Variants in PRRC2C observed in about 807,000 individuals in gnomAD.
PRRC2C encodes the protein protein PRRC2C.
A neutral mutation model predicts 317.2 loss-of-function variants in PRRC2C; 72 were observed. The observed-to-expected ratio is 0.23, with a 90% CI of 0.19 to 0.28. The LOEUF is 0.28. Ranked by LOEUF, PRRC2C falls within the 10% of genes least tolerant of loss-of-function variation. The pLI is 1.00. For missense variants in PRRC2C, 3,074 were observed against 3,459.7 expected, an observed-to-expected ratio of 0.89 and a Z score of 2.80; for synonymous variants, 1,296 against 1,205.9, an observed-to-expected ratio of 1.07 and a Z score of -1.55.
At position 171,537,367 on chromosome 1, in the gene PRRC2C, A is replaced by G. The variant is rs149871621; in HGVS notation, c.2398A>G (p.Ile800Val). ...AGCTCGATCTGCAAGAGATCACGCAATTTCCCTTTCTGAGCCTCGTATGCT... is the reference window on the plus strand; with the variant it reads ...AGCTCGATCTGCAAGAGATCACGCAGTTTCCCTTTCTGAGCCTCGTATGCT... ...HIARSARDHA[I>V]SLSEPRMLWG... The change falls in exon 15 of 35, where the codon ATT (isoleucine) becomes GTT (valine). Residue 800 changes from isoleucine to valine, a missense_variant. Ile to Val is a conservative substitution (Grantham distance 29, BLOSUM62 3). Coordinates refer to ENST00000647382, the MANE Select transcript of PRRC2C (RefSeq NM_001387844.1). 182 of 1,592,168 alleles carry G rather than the reference A, an allele frequency of 1.1e-4. No homozygotes were observed. Among genetic ancestry groups the G allele is most frequent in the Middle Eastern group, 5.0e-4 (3 of 6,042 alleles).
At chr1:171,575,246 C>A in intron 25 of PRRC2C, 118 bp downstream of exon 25, 1 of 1,029,456 alleles carries the variant, frequency 9.7e-7, no homozygotes, top group Non-Finnish European at 1.4e-6. Flanking sequence ...CTTCCCACCT[C>A]AGCCTCCCAA....
At chr1:171,553,289 CG>C (rs1680672455) in intron 18 of PRRC2C, among the ~76,000 whole-genome samples, 1 of 152,006 alleles carries the variant, frequency 6.6e-6, no homozygotes, top group Non-Finnish European at 1.5e-5. Flanking sequence ...TTTGTATTTC[CG>C]TGGGATTGGT....
intron 19 of PRRC2C, among the ~76,000 whole-genome samples, chr1:171,559,527 T>TG (rs1682209564): frequency 7.1e-6 from 1 of 140,396 alleles, no homozygotes; most frequent in Admixed American, 7.2e-5. Flanking sequence ...TTTTTTTTTT[T>TG]TTTTTTTTTT....
chr1:171,588,486 C>G lies in PRRC2C; in HGVS notation c.8180C>G (p.Pro2727Arg). ...ACTGTGAGAATGACACAACCATTTCCTACACAGTTTGCACCCCAGGTGGGC... is the reference window on the plus strand; with the variant it reads ...ACTGTGAGAATGACACAACCATTTCGTACACAGTTTGCACCCCAGGTGGGC... ...PATVRMTQPF[P>R]TQFAPQILSQ... The change falls in exon 33 of 35, where the codon CCT (proline) becomes CGT (arginine). Residue 2727 changes from proline to arginine, a missense_variant. Around this residue, in one of 11 missense-constraint regions of PRRC2C, gnomAD observed 490 missense variants for 663.1 expected, o/e 0.74. Coordinates refer to ENST00000647382, the MANE Select transcript of PRRC2C (RefSeq NM_001387844.1). 1 of 1,613,790 alleles carries G rather than the reference C, an allele frequency of 6.2e-7. No individual in the cohort carries two copies. The highest frequency in any genetic ancestry group is 8.5e-7 in the Non-Finnish European group (1 of 1,179,774).
chr1:171,505,600 G>A (rs1254744523), intron 1 of PRRC2C, among the ~76,000 whole-genome samples: 2 of 152,136 alleles, frequency 1.3e-5, no homozygotes, highest in African/African-American at 2.4e-5. Flanking sequence ...TTAGTATAGT[G>A]TTGAACAGAA....
chr1:171,569,575 A>ATATATATATATATATATATATATATATAT (rs1684330118), intron 23 of PRRC2C, among the ~76,000 whole-genome samples: 2 of 60,150 alleles, frequency 3.3e-5, no homozygotes, highest in African/African-American at 1.1e-4. Context: ...AAGTGGTTTA[A>ATATATATATATATATATATATATATATAT]ATATATATAT....
intron 7 of PRRC2C, 42 bp from the exon 8 acceptor site, chr1:171,523,179 T>G: frequency 6.5e-7 from 1 of 1,541,984 alleles, no homozygotes; most frequent in East Asian, 2.3e-5. Context: ...CAGTTTAGTA[T>G]CATAAACTTT....
intron 14 of PRRC2C, 98 bp downstream of exon 14, chr1:171,536,376 T>TA (rs1676828160): frequency 7.6e-7 from 1 of 1,320,488 alleles, no homozygotes; most frequent in Non-Finnish European, 1.0e-6. Context: ...AGGAAAAACT[T>TA]AAACCTCCGA....
chr1:171,572,409 G>GA (rs1200894930), intron 24 of PRRC2C, among the ~76,000 whole-genome samples: 4 of 152,168 alleles, frequency 2.6e-5, no homozygotes, highest in African/African-American at 9.6e-5. Flanking sequence ...CAATCTCTTT[G>GA]ATGATCTTCA....
At chr1:171,527,403 G>C (rs542581920) in intron 10 of PRRC2C, among the ~76,000 whole-genome samples, 4 of 152,152 alleles carry the variant, frequency 2.6e-5, no homozygotes, top group African/African-American at 9.6e-5. Flanking sequence ...AAAGTGCTGG[G>C]ATTACACGTG....
intron 23 of PRRC2C, among the ~76,000 whole-genome samples, chr1:171,569,595 G>T (rs1340254591): frequency 0.012 from 305 of 25,200 alleles, no homozygotes; most frequent in Non-Finnish European, 0.021. Context: ...TATATATATG[G>T]TTTTTTTTTT....
intron 7 of PRRC2C, among the ~76,000 whole-genome samples, chr1:171,522,877 T>C (rs1403407750): frequency 3.3e-5 from 5 of 151,614 alleles, no homozygotes; most frequent in Non-Finnish European, 7.4e-5. Context: ...CTTTTTTTTT[T>C]TTTGCTTATT....
chr1:171,544,692 T>C (rs1017769280), intron 16 of PRRC2C, among the ~76,000 whole-genome samples: 2 of 152,216 alleles, frequency 1.3e-5, no homozygotes, highest in African/African-American at 4.8e-5. Flanking sequence ...CATAGATAGA[T>C]AACAACAACT....
intron 20 of PRRC2C, among the ~76,000 whole-genome samples, chr1:171,565,357 T>A (rs1683451824): frequency 6.6e-6 from 1 of 152,228 alleles, no homozygotes. Context: ...TTTCAGTTCT[T>A]TATTTGCTTC....
At chr1:171,492,738 T>TTTTATTTATTTAATTTA (rs1553200492) in intron 1 of PRRC2C, among the ~76,000 whole-genome samples, 8 of 144,274 alleles carry the variant, frequency 5.5e-5, no homozygotes, top group African/African-American at 2.1e-4. Context: ...ATTTTTTTAA[T>TTTTATTTATTTAATTTA]TTTATTTATT....
Position 171,541,614 on chromosome 1 carries a change from A to C in PRRC2C, c.4148A>C (p.Glu1383Ala), listed in dbSNP as rs142821409. 5.6e-6 allele frequency: 9 copies of C among 1,613,840 alleles called. No individual in the cohort carries two copies. In the East Asian group the frequency reaches 2.0e-4, roughly 36 times the overall value. The change falls in exon 16 of 35, where the codon GAA (glutamate) becomes GCA (alanine). Residue 1383 changes from glutamate to alanine, a missense_variant. This residue lies in a region of PRRC2C where 1,320 missense variants were observed against 1,395.7 expected (regional missense o/e 0.95). Transcript: ENST00000647382. This position sits in a 1 kb window ranked among gnomAD's most constrained non-coding sequence, Gnocchi z 4.1. ...RDNQWNPRQS[E>A]VPKPEDGEPP... ...AATCAGTGGAACCCAAGGCAGTCAGAAGTTCCTAAACCAGAAGATGGAGAG... is the reference window on the plus strand; with the variant it reads ...AATCAGTGGAACCCAAGGCAGTCAGCAGTTCCTAAACCAGAAGATGGAGAG...
At chr1:171,506,659 A>T (rs369170974) in intron 1 of PRRC2C, among the ~76,000 whole-genome samples, 1 of 126,834 alleles carries the variant, frequency 7.9e-6, no homozygotes, top group Non-Finnish European at 1.6e-5. Context: ...GCTTCTATTG[A>T]TGGCTTCAGA....
Position 171,592,624 on chromosome 1 carries a change from T to C in PRRC2C, c.*777T>C. ...GCTCTCACGATTCAAACATGACAGATTTGGTAAAATGCTGGTTAGGTTGAG... is the reference window on the plus strand; with the variant it reads ...GCTCTCACGATTCAAACATGACAGACTTGGTAAAATGCTGGTTAGGTTGAG... On this transcript the variant is annotated 3_prime_UTR_variant, in exon 35 of 35. Transcript: ENST00000647382. 6.6e-6 allele frequency: 1 copy of C among 152,174 alleles called. No individual in the cohort carries two copies. 9.4% of individuals were successfully genotyped at this position (152,174 alleles called of 1,614,324 possible). A position where few individuals can be genotyped will look rare whatever the true frequency, so the allele number is the denominator to read the frequency against.
chr1:171,520,819 T>TTA (rs1188036796), intron 6 of PRRC2C, among the ~76,000 whole-genome samples: 33 of 149,446 alleles, frequency 2.2e-4, no homozygotes, highest in Admixed American at 7.4e-4. Context: ...TTTTTTTTTT[T>TTA]AATAAAGACG....
Sources: allele counts gnomAD v4.1 joint callset (sites outside exome capture counted in the v4.1 genomes callset), GRCh38; gene constraint gnomAD v4.1.1; regional missense constraint gnomAD v4.1.1; non-coding constraint Gnocchi (gnomAD v3.1); transcripts MANE v1.5; gene names NCBI Gene and HGNC (gene_info 2026-07-23, HGNC 2026-07-21).